The following GRK3 variants were observed in gnomAD, a reference collection of about 807,000 sequenced individuals.
GRK3 encodes G protein-coupled receptor kinase 3.
In GRK3, 54 loss-of-function variants were observed where a neutral mutation model predicts 95.7. The observed-to-expected ratio is 0.56, with a 90% CI of 0.45 to 0.71. The LOEUF (loss-of-function observed/expected upper bound fraction) is 0.71, where lower values mean the gene tolerates loss of function less well. GRK3 is among the 30% of genes least tolerant of loss of function. The probability of loss-of-function intolerance (pLI) is 0.00; values close to 1 mark genes in which losing one functional copy is unlikely to be tolerated. For synonymous variants in GRK3, 281 were observed against 290.8 expected (o/e 0.97, Z 0.34); for missense variants, 649 against 851.2 (o/e 0.76, Z 2.96).
intron 1 of GRK3, among the ~76,000 whole-genome samples, chr22:25,585,736 G>A (rs190879216): frequency 2.6e-3 from 393 of 152,364 alleles, no homozygotes; most frequent in African/African-American, 8.7e-3. Context: ...AAACTTAGAG[G>A]CAGAAAAGCG....
At chr22:25,710,545 T>G (rs1489810047) in intron 16 of GRK3, among the ~76,000 whole-genome samples, 2 of 152,260 alleles carry the variant, frequency 1.3e-5, no homozygotes, top group Non-Finnish European at 2.9e-5. Flanking sequence ...TTATCAGCTT[T>G]AAACTTGCTT....
intron 3 of GRK3, among the ~76,000 whole-genome samples, chr22:25,656,030 G>A (rs2084868917): frequency 6.6e-6 from 1 of 152,150 alleles, no homozygotes; most frequent in Non-Finnish European, 1.5e-5. Flanking sequence ...ACTTGGGAAA[G>A]CTTTTCTCTA....
At chr22:25,695,258 G>C (rs2085198493) in intron 13 of GRK3, 44 bp downstream of exon 13, 4 of 1,369,972 alleles carry the variant, frequency 2.9e-6, no homozygotes, top group Non-Finnish European at 3.1e-6. Flanking sequence ...CATGGCAGCA[G>C]GAGCTTGGAT....
chr22:25,658,601 A>G (rs1384809221), intron 3 of GRK3, among the ~76,000 whole-genome samples: 2 of 152,132 alleles, frequency 1.3e-5, no homozygotes, highest in African/African-American at 4.8e-5. Flanking sequence ...GTCACTCTTC[A>G]GTGCTTATTG....
At chr22:25,713,151 G>A (rs2085357400) in intron 17 of GRK3, among the ~76,000 whole-genome samples, 1 of 152,126 alleles carries the variant, frequency 6.6e-6, no homozygotes, top group South Asian at 2.1e-4. Context: ...TAACTGCCTG[G>A]GCAAGGAGCA....
chr22:25,574,463 G>T (rs2146313104), intron 1 of GRK3, among the ~76,000 whole-genome samples: 1 of 152,344 alleles, frequency 6.6e-6, no homozygotes, highest in African/African-American at 2.4e-5. Flanking sequence ...CTGCACTGCA[G>T]CCTGACAGAG....
chr22:25,570,499 T>C (rs1931656906), intron 1 of GRK3, among the ~76,000 whole-genome samples: 2 of 152,254 alleles, frequency 1.3e-5, no homozygotes, highest in Non-Finnish European at 2.9e-5. Context: ...TAAAAATCAC[T>C]TTCTCATTCA....
At chr22:25,665,583 A>AAAT (rs112329321) in intron 5 of GRK3, among the ~76,000 whole-genome samples, 10,560 of 152,206 alleles carry the variant, frequency 0.069, 364 homozygotes, top group Middle Eastern at 0.15. Flanking sequence ...AAAATAGTCA[A>AAAT]AATTTTCTGG....
At chr22:25,689,922 A>G (rs1211203949) in intron 11 of GRK3, among the ~76,000 whole-genome samples, 1 of 152,208 alleles carries the variant, frequency 6.6e-6, no homozygotes, top group East Asian at 1.9e-4. Context: ...ACTGTTCCCA[A>G]CATTCCTGTG....
intron 2 of GRK3, among the ~76,000 whole-genome samples, chr22:25,608,676 C>T (rs566496144): frequency 0.026 from 4,024 of 152,224 alleles, 76 homozygotes; most frequent in Non-Finnish European, 0.037. Context: ...TCCCAAACCA[C>T]AAAGCACAGA....
chr22:25,685,647 T>C (rs1442535084), intron 10 of GRK3, among the ~76,000 whole-genome samples: 1 of 152,198 alleles, frequency 6.6e-6, no homozygotes, highest in East Asian at 1.9e-4. Flanking sequence ...AAGGACTGAC[T>C]TTGGGCCAAG....
At chr22:25,670,163 G>T (rs1033446273) in intron 6 of GRK3, among the ~76,000 whole-genome samples, 1 of 152,128 alleles carries the variant, frequency 6.6e-6, no homozygotes, top group South Asian at 2.1e-4. Flanking sequence ...TAATTTGATT[G>T]TTAGCCTCAG....
chr22:25,587,729 C>T (rs1932363010), intron 1 of GRK3, among the ~76,000 whole-genome samples: 1 of 152,200 alleles, frequency 6.6e-6, no homozygotes, highest in African/African-American at 2.4e-5. Flanking sequence ...AATCACGGGG[C>T]AGTTTCTCCC....
At chr22:25,690,367 A>C in intron 12 of GRK3, 84 bp downstream of exon 12, 1 of 966,812 alleles carries the variant, frequency 1.0e-6, no homozygotes, top group Non-Finnish European at 1.6e-6. Flanking sequence ...CATTTCTCTT[A>C]CCAGTGGTGA....
chr22:25,609,357 A>G (rs578134693), intron 2 of GRK3, among the ~76,000 whole-genome samples: 2 of 150,882 alleles, frequency 1.3e-5, no homozygotes, highest in Admixed American at 6.6e-5. Context: ...TTTTTAAGAC[A>G]GTCTTGCCCT....
chr22:25,648,699 A>G, intron 3 of GRK3: 1 of 1,020,026 alleles, frequency 9.8e-7, no homozygotes, highest in Non-Finnish European at 1.6e-6. Context: ...AGGAGATGGA[A>G]AGTATTTGAA....
intron 20 of GRK3, 130 bp from the exon 21 acceptor site, chr22:25,722,159 A>G: frequency 1.0e-6 from 1 of 980,442 alleles, no homozygotes; most frequent in Non-Finnish European, 1.5e-6. Flanking sequence ...TAGTAATGCC[A>G]CTGGGGGTGG....
chr22:25,640,934 A>G (rs2084738455), intron 2 of GRK3, among the ~76,000 whole-genome samples: 1 of 152,190 alleles, frequency 6.6e-6, no homozygotes, highest in Admixed American at 6.5e-5. Context: ...GTTAGGCAAA[A>G]TATTTCCTTA....
chr22:25,591,953 A>G (rs1425346459), intron 1 of GRK3, among the ~76,000 whole-genome samples: 1 of 152,200 alleles, frequency 6.6e-6, no homozygotes, highest in Non-Finnish European at 1.5e-5. Flanking sequence ...CCATGTATAA[A>G]TATTTGTATG....
Sources: gnomAD v4.1 joint callset for allele counts (sites outside exome capture counted in the v4.1 genomes callset) on GRCh38, gnomAD v4.1.1 for gene constraint, MANE v1.5 for transcripts, NCBI Gene and HGNC (gene_info 2026-07-23, HGNC 2026-07-21) for gene names.